The following HHAT variants were observed in gnomAD, a reference collection of about 807,000 sequenced individuals.
The protein encoded by HHAT is protein-cysteine N-palmitoyltransferase HHAT.
Under a neutral mutation model 70.8 loss-of-function variants are expected in HHAT, and 47 were observed. The observed-to-expected ratio is 0.66, with a 90% CI of 0.53 to 0.85. The LOEUF (loss-of-function observed/expected upper bound fraction) is 0.85, where lower values mean the gene tolerates loss of function less well. Among genes scored for constraint, HHAT ranks in the 40% least tolerant of loss-of-function variants. The pLI is 0.00. For missense variants in HHAT, 609 were observed against 604.8 expected, an observed-to-expected ratio of 1.01 and a Z score of -0.07; for synonymous variants, 228 against 247.6, an observed-to-expected ratio of 0.92 and a Z score of 0.74.
At chr1:210,618,188 C>T (rs1185028069) in intron 10 of HHAT, among the ~76,000 whole-genome samples, 1 of 152,192 alleles carries the variant, frequency 6.6e-6, no homozygotes, top group African/African-American at 2.4e-5. Context: ...AGAGATGGGA[C>T]ATGGGCCTTG....
chr1:210,355,639 TG>T (rs1264590025), intron 2 of HHAT, among the ~76,000 whole-genome samples: 1 of 152,192 alleles, frequency 6.6e-6, no homozygotes, highest in Non-Finnish European at 1.5e-5. Flanking sequence ...TGAGAGTGGT[TG>T]GCCTGTAATT....
chr1:210,667,309 G>A (rs1299132888), intron 11 of HHAT, among the ~76,000 whole-genome samples: 1 of 151,714 alleles, frequency 6.6e-6, no homozygotes, highest in Non-Finnish European at 1.5e-5. Context: ...TTGAACCTGG[G>A]AGGCAGAGGT....
chr1:210,541,821 G>T (rs999353985), intron 9 of HHAT, among the ~76,000 whole-genome samples: 5 of 152,168 alleles, frequency 3.3e-5, no homozygotes, highest in Non-Finnish European at 5.9e-5. Flanking sequence ...CATCCCCCCT[G>T]GTCTCCTGGT....
At chr1:210,377,784 C>T (rs1302237609) in intron 3 of HHAT, among the ~76,000 whole-genome samples, 1 of 152,206 alleles carries the variant, frequency 6.6e-6, no homozygotes, top group East Asian at 1.9e-4. Context: ...TGCCTGGCTT[C>T]TGTGGCGAGG....
intron 9 of HHAT, among the ~76,000 whole-genome samples, chr1:210,564,365 G>T (rs2095650646): frequency 6.6e-6 from 1 of 152,168 alleles, no homozygotes; most frequent in Non-Finnish European, 1.5e-5. Flanking sequence ...ACTAGGCAGA[G>T]AATAAGTAGC....
intron 5 of HHAT, 128 bp from the exon 6 acceptor site, chr1:210,404,336 G>A: frequency 1.5e-6 from 1 of 665,232 alleles, no homozygotes; most frequent in Non-Finnish European, 2.6e-6. Context: ...GCCTGAAGAA[G>A]AAATTGCCTT....
chr1:210,557,670 C>A (rs1382778100), intron 9 of HHAT, among the ~76,000 whole-genome samples: 2 of 152,136 alleles, frequency 1.3e-5, no homozygotes, highest in Admixed American at 1.3e-4. Context: ...AAAGCGGAAA[C>A]CCCTGATAAA....
At chr1:210,603,936 A>G (rs1471819656) in intron 10 of HHAT, among the ~76,000 whole-genome samples, 2 of 152,188 alleles carry the variant, frequency 1.3e-5, no homozygotes, top group African/African-American at 4.8e-5. Context: ...TCTGGTGTCA[A>G]ACTTGTAGTT....
chr1:210,528,542 C>T (rs1027511127), intron 9 of HHAT, among the ~76,000 whole-genome samples: 1 of 152,126 alleles, frequency 6.6e-6, no homozygotes, highest in African/African-American at 2.4e-5. Context: ...CAAATGTATC[C>T]TAGCATGTCT....
intron 9 of HHAT, among the ~76,000 whole-genome samples, chr1:210,532,051 TAAA>T (rs1410974629): frequency 5.3e-5 from 8 of 152,196 alleles, no homozygotes; most frequent in Non-Finnish European, 1.0e-4. Flanking sequence ...CCATTTAAAA[TAAA>T]AACACTTTAG....
intron 9 of HHAT, among the ~76,000 whole-genome samples, chr1:210,524,257 T>C (rs931536433): frequency 2.0e-5 from 3 of 152,300 alleles, no homozygotes; most frequent in Admixed American, 2.0e-4. Context: ...TACAATAAAA[T>C]TTTTTTAAAT....
At chr1:210,623,897 C>T (rs1315204928) in intron 11 of HHAT, among the ~76,000 whole-genome samples, 1 of 152,138 alleles carries the variant, frequency 6.6e-6, no homozygotes. Context: ...ACTTGTTTAA[C>T]ACCAAAAGGT....
Position 210,556,015 on chromosome 1 carries a change from AT to A in HHAT, c.1044-31874del, listed in dbSNP as rs879945696. On this transcript the variant is annotated intron_variant, in intron 9 of 11. Coordinates refer to ENST00000261458, the MANE Select transcript of HHAT (RefSeq NM_018194.6). ...TTTCTCTTTCACATGTCCTTCCCCA[AT>A]TTTTTTTTAAGACAATTTTCATTTG... Among the ~76,000 whole-genome samples the A allele has an allele frequency of 1.7e-3, 258 of 151,456 alleles. 2 individuals are homozygous for A. In the Middle Eastern group the frequency reaches 0.02, roughly 12 times the overall value.
intron 3 of HHAT, among the ~76,000 whole-genome samples, chr1:210,371,770 ACAAAG>A (rs1219257205): frequency 6.6e-6 from 1 of 152,158 alleles, no homozygotes; most frequent in African/African-American, 2.4e-5. Flanking sequence ...CACACATGAA[ACAAAG>A]CAAACGTTGC....
chr1:210,614,458 A>G (rs1667254129), intron 10 of HHAT, among the ~76,000 whole-genome samples: 2 of 152,122 alleles, frequency 1.3e-5, no homozygotes, highest in South Asian at 4.1e-4. Context: ...CATGTGCACA[A>G]TGTGCAGGTT....
chr1:210,344,627 C>G (rs1395311750), intron 1 of HHAT, among the ~76,000 whole-genome samples: 2 of 152,150 alleles, frequency 1.3e-5, no homozygotes, highest in Non-Finnish European at 2.9e-5. Context: ...TCAAATTCAA[C>G]AAAAGCCAGA....
At chr1:210,465,178 T>C (rs2094073817) in intron 8 of HHAT, among the ~76,000 whole-genome samples, 1 of 152,230 alleles carries the variant, frequency 6.6e-6, no homozygotes, top group Non-Finnish European at 1.5e-5. Context: ...GAGCAGGTGG[T>C]ATATAATAGA....
chr1:210,564,811 G>A (rs983504829), intron 9 of HHAT, among the ~76,000 whole-genome samples: 1 of 151,958 alleles, frequency 6.6e-6, no homozygotes, highest in Non-Finnish European at 1.5e-5. Context: ...CTGATGGAAT[G>A]GGGAGGGGAG....
chr1:210,351,457 TTGTC>T (rs2147981235), intron 2 of HHAT, among the ~76,000 whole-genome samples: 2 of 152,344 alleles, frequency 1.3e-5, no homozygotes, highest in African/African-American at 4.8e-5. Flanking sequence ...ATGTTGGATT[TTGTC>T]AAGTGTTCTT....
Sources: allele counts gnomAD v4.1 joint callset (sites outside exome capture counted in the v4.1 genomes callset), GRCh38; gene constraint gnomAD v4.1.1; transcripts MANE v1.5; gene names NCBI Gene and HGNC (gene_info 2026-07-23, HGNC 2026-07-21).